The following MYLK variants were observed in gnomAD, a reference collection of about 807,000 sequenced individuals.
MYLK encodes myosin light chain kinase, smooth muscle.
MYLK carries 106 observed loss-of-function variants against 203.4 expected under a neutral mutation model. The ratio of observed to expected loss-of-function variants is 0.52; its 90% confidence interval spans 0.45 to 0.61. The LOEUF is 0.61. Among genes scored for constraint, MYLK ranks in the 20% least tolerant of loss-of-function variants. The pLI is 0.00. For missense variants in MYLK, 2,072 were observed against 2,442.3 expected, an observed-to-expected ratio of 0.85 and a Z score of 3.20; for synonymous variants, 867 against 959.5, an observed-to-expected ratio of 0.90 and a Z score of 1.78.
rs115742058 is a variant in MYLK, at chr3:123,651,569, C to T, written c.4289-2375G>A. 5.4e-3 allele frequency among the ~76,000 whole-genome samples: 820 copies of T among 152,212 alleles called. 10 individuals carry two copies. Among genetic ancestry groups the T allele is most frequent in the African/African-American group, 0.018 (728 of 41,524 alleles). ...TTGTTCCTGTGCCACATTTTCCCGGCGTGGCATGGAGACCAGTGTATTCCA... is the reference window on the plus strand; with the variant it reads ...TTGTTCCTGTGCCACATTTTCCCGGTGTGGCATGGAGACCAGTGTATTCCA... On this transcript the variant is annotated intron_variant, in intron 24 of 33. Coordinates refer to ENST00000360304, the MANE Select transcript of MYLK (RefSeq NM_053025.4).
At chr3:123,631,528 A>G (rs1470789142) in intron 29 of MYLK, among the ~76,000 whole-genome samples, 1 of 152,210 alleles carries the variant, frequency 6.6e-6, no homozygotes, top group Non-Finnish European at 1.5e-5. Context: ...TGACAGCTTC[A>G]GGAGTAAGGC....
At chr3:123,818,513 A>T (rs888188499) in intron 3 of MYLK, among the ~76,000 whole-genome samples, 2 of 152,062 alleles carry the variant, frequency 1.3e-5, no homozygotes, top group South Asian at 4.2e-4. Flanking sequence ...AACACGGCAA[A>T]CCACAACTCT....
chr3:123,651,722 G>A (rs141897125), intron 24 of MYLK, among the ~76,000 whole-genome samples: 25 of 152,332 alleles, frequency 1.6e-4, no homozygotes, highest in Admixed American at 4.6e-4. Context: ...CAGTCCTAGA[G>A]CTGGCCCCTG....
chr3:123,687,599 C>T lies in MYLK; in HGVS notation c.3565+5136G>A, dbSNP rs560767938. On this transcript the variant is annotated intron_variant, in intron 19 of 33. Transcript: ENST00000360304. ...TCCTTCCTTCCTTTCTTCCTTCCTT[C>T]CTTCCTTCCTACCTTCATTCCTTCC... Among the ~76,000 whole-genome samples, 7 of 151,806 alleles carry T rather than the reference C, an allele frequency of 4.6e-5. No homozygotes were observed. In the East Asian group the frequency reaches 1.2e-3, roughly 25 times the overall value.
rs1186779021 is a variant in MYLK, at chr3:123,613,353, A to C, written c.*752T>G. The C allele has an allele frequency of 6.6e-6, 1 of 150,826 alleles. No homozygotes were observed. The highest frequency in any genetic ancestry group is 2.4e-5 in the African/African-American group (1 of 41,126). 9.3% of individuals were successfully genotyped at this position (150,826 alleles called of 1,614,324 possible). Reference sequence around the variant, plus strand: ...CATTAGCAAGGATTTTTTTTTTCCCATGGGTTCTTAACCAAATGTCTGAAG... The same window carrying C: ...CATTAGCAAGGATTTTTTTTTTCCCCTGGGTTCTTAACCAAATGTCTGAAG... On this transcript the variant is annotated 3_prime_UTR_variant, in exon 34 of 34. Coordinates refer to ENST00000360304, the MANE Select transcript of MYLK (RefSeq NM_053025.4).
At chr3:123,688,341 A>G (rs1312257481) in intron 19 of MYLK, among the ~76,000 whole-genome samples, 2 of 151,742 alleles carry the variant, frequency 1.3e-5, no homozygotes, top group African/African-American at 4.9e-5. Context: ...CGTGCCCCCC[A>G]GCCCCACCAT....
intron 1 of MYLK, among the ~76,000 whole-genome samples, chr3:123,884,002 C>T (rs993280109): frequency 1.3e-5 from 2 of 152,146 alleles, no homozygotes; most frequent in African/African-American, 4.8e-5. Context: ...TTCATCTCCC[C>T]AAAAGAAAAC....
chr3:123,778,876 G>T (rs1424712011), intron 4 of MYLK, among the ~76,000 whole-genome samples: 1 of 152,198 alleles, frequency 6.6e-6, no homozygotes, highest in African/African-American at 2.4e-5. Flanking sequence ...GGCTTCTGCA[G>T]GATCCCACCT....
chr3:123,707,756 G>T lies in MYLK; in HGVS notation c.2388C>A (p.Leu796=). 6.2e-7 allele frequency: 1 copy of T among 1,614,182 alleles called. No individual in the cohort carries two copies. Among genetic ancestry groups the T allele is most frequent in the Non-Finnish European group, 8.5e-7 (1 of 1,180,050 alleles). The part of the protein sequence containing the change: ...PWHAGQYEIL[L]KNRVGECSCQ... ...GCTGGCTGGACATGCAGACTCACTT[G>T]AGCAGGATCTCATACTGGCCGGCAT... The change falls in exon 16 of 34, where the codon CTC becomes CTA. Residue 796 remains leucine (L), a splice_region_variant and synonymous_variant. Transcript: ENST00000360304.
chr3:123,618,793 A>G, intron 32 of MYLK, 23 bp from the exon 33 acceptor site: 1 of 1,613,808 alleles, frequency 6.2e-7, no homozygotes, highest in Non-Finnish European at 8.5e-7. Flanking sequence ...GAAGAAGACC[A>G]GGTCATTTCT....
chr3:123,715,048 G>A (rs2061844520), intron 13 of MYLK, among the ~76,000 whole-genome samples: 1 of 152,184 alleles, frequency 6.6e-6, no homozygotes, highest in African/African-American at 2.4e-5. Context: ...GGGAAGCAAA[G>A]GAAGGGGGAG....
chr3:123,766,264 A>T (rs945757641), intron 4 of MYLK, among the ~76,000 whole-genome samples: 1 of 152,216 alleles, frequency 6.6e-6, no homozygotes, highest in Admixed American at 6.5e-5. Flanking sequence ...TCATTGTGCT[A>T]TGAATAAGAC....
chr3:123,665,594 G>C (rs556020742), intron 22 of MYLK, among the ~76,000 whole-genome samples: 3 of 152,288 alleles, frequency 2.0e-5, no homozygotes, highest in African/African-American at 7.2e-5. Flanking sequence ...TGCTGATCAT[G>C]CATACAGGCA....
chr3:123,661,224 C>T (rs2059551483), intron 23 of MYLK, among the ~76,000 whole-genome samples: 1 of 151,954 alleles, frequency 6.6e-6, no homozygotes, highest in African/African-American at 2.4e-5. Flanking sequence ...AGGAGCTGGG[C>T]ATCGTGGGGG....
intron 2 of MYLK, among the ~76,000 whole-genome samples, chr3:123,836,998 A>C (rs1369761636): frequency 6.6e-6 from 1 of 152,218 alleles, no homozygotes; most frequent in East Asian, 1.9e-4. Context: ...ACGGGACAAA[A>C]TAATAATTCC....
At chr3:123,839,926 A>G (rs2066552877) in intron 2 of MYLK, among the ~76,000 whole-genome samples, 1 of 152,200 alleles carries the variant, frequency 6.6e-6, no homozygotes, top group South Asian at 2.1e-4. Flanking sequence ...CTTGCAGATT[A>G]AACAACACAT....
At chr3:123,786,803 A>G (rs529840041) in intron 4 of MYLK, among the ~76,000 whole-genome samples, 2 of 152,316 alleles carry the variant, frequency 1.3e-5, no homozygotes, top group East Asian at 1.9e-4. Flanking sequence ...AAAAATAGAA[A>G]GAGCAAATTG....
intron 22 of MYLK, 82 bp downstream of exon 22, chr3:123,666,137 C>G: frequency 1.2e-6 from 2 of 1,606,504 alleles, no homozygotes; most frequent in Non-Finnish European, 1.7e-6. Context: ...ATCTCCAGCA[C>G]GGCATTTCTC....
intron 1 of MYLK, among the ~76,000 whole-genome samples, chr3:123,877,531 G>A (rs2033232990): frequency 6.6e-6 from 1 of 152,190 alleles, no homozygotes; most frequent in African/African-American, 2.4e-5. Flanking sequence ...GTCCCTAGGT[G>A]CCTGCCCAAT....
Sources: allele counts gnomAD v4.1 joint callset (sites outside exome capture counted in the v4.1 genomes callset), GRCh38; gene constraint gnomAD v4.1.1; transcripts MANE v1.5; gene names NCBI Gene and HGNC (gene_info 2026-07-23, HGNC 2026-07-21).